PTPRD: variants seen among roughly 807,000 people sequenced by gnomAD.
The protein encoded by PTPRD is protein tyrosine phosphatase receptor type D.
PTPRD carries 34 observed loss-of-function variants against 214.5 expected under a neutral mutation model. The ratio of observed to expected loss-of-function variants is 0.16; its 90% confidence interval spans 0.12 to 0.21. PTPRD has a LOEUF of 0.21. PTPRD is among the 10% of genes least tolerant of loss of function. PTPRD has a pLI of 1.00. For synonymous variants in PTPRD, 1,128 were observed against 845.7 expected (o/e 1.33, Z -5.79); for missense variants, 2,545 against 2,398.7 (o/e 1.06, Z -1.27).
chr9:9,030,626 C>A (rs1006009654), intron 10 of PTPRD, among the ~76,000 whole-genome samples: 12 of 151,788 alleles, frequency 7.9e-5, no homozygotes, highest in Non-Finnish European at 1.6e-4. Context: ...TCTGGGCTGT[C>A]AAGAGTCACG....
At chr9:8,595,078 T>A (rs1232384723) in intron 14 of PTPRD, among the ~76,000 whole-genome samples, 2 of 151,698 alleles carry the variant, frequency 1.3e-5, no homozygotes, top group Admixed American at 6.6e-5. Context: ...TTAGCCAAAA[T>A]GGTCTAGATC....
chr9:8,650,511 G>A (rs1421427261), intron 12 of PTPRD, among the ~76,000 whole-genome samples: 1 of 105,670 alleles, frequency 9.5e-6, no homozygotes, highest in Non-Finnish European at 1.9e-5. Context: ...GGCAAAAAGA[G>A]CAAAAAACTC....
intron 14 of PTPRD, among the ~76,000 whole-genome samples, chr9:8,534,392 C>CA (rs2076418598): frequency 6.6e-6 from 1 of 151,828 alleles, no homozygotes. Context: ...GTGAACCACT[C>CA]AGTTTTTTTG....
chr9:8,599,613 C>CCCCCCCCCT (rs2094698008), intron 14 of PTPRD, among the ~76,000 whole-genome samples: 16 of 53,412 alleles, frequency 3.0e-4, no homozygotes, highest in South Asian at 8.4e-4. Flanking sequence ...CCCGCCCACC[C>CCCCCCCCCT]TTTTTTTTTT....
intron 39 of PTPRD, among the ~76,000 whole-genome samples, chr9:8,347,382 C>T (rs1056412791): frequency 2.0e-5 from 3 of 152,090 alleles, no homozygotes; most frequent in Admixed American, 6.6e-5. Flanking sequence ...TTACTGAGTG[C>T]CTACCATGTG....
chr9:9,250,738 A>G (rs974773059), intron 9 of PTPRD, among the ~76,000 whole-genome samples: 41 of 152,096 alleles, frequency 2.7e-4, no homozygotes, highest in African/African-American at 9.9e-4. Context: ...TGAAACAGCA[A>G]AAACCAAACC....
intron 30 of PTPRD, among the ~76,000 whole-genome samples, chr9:8,479,893 T>G (rs537249419): frequency 1.3e-5 from 2 of 152,298 alleles, no homozygotes; most frequent in East Asian, 3.9e-4. Flanking sequence ...TGTAACTTTT[T>G]CACCTTTCTT....
At chr9:8,959,049 C>G (rs965895914) in intron 11 of PTPRD, among the ~76,000 whole-genome samples, 3 of 151,980 alleles carry the variant, frequency 2.0e-5, no homozygotes, top group African/African-American at 7.2e-5. Flanking sequence ...TTCCAAATGC[C>G]AAACACACTC....
chr9:9,665,042 C>T (rs2096691384), intron 7 of PTPRD, among the ~76,000 whole-genome samples: 1 of 151,528 alleles, frequency 6.6e-6, no homozygotes, highest in Admixed American at 6.6e-5. Flanking sequence ...TGTCACTCTT[C>T]ATATGTGTAT....
chr9:8,438,087 T>C (rs2095420878), intron 34 of PTPRD, among the ~76,000 whole-genome samples: 1 of 152,194 alleles, frequency 6.6e-6, no homozygotes, highest in Admixed American at 6.5e-5. Context: ...AAGCCATGTG[T>C]TGACATTCTG....
At chr9:9,058,024 G>A (rs1052557245) in intron 10 of PTPRD, among the ~76,000 whole-genome samples, 5 of 152,058 alleles carry the variant, frequency 3.3e-5, no homozygotes, top group African/African-American at 4.8e-5. Context: ...ATACTCTATT[G>A]TTTAGAAAGG....
chr9:10,189,342 G>C (rs140868932), intron 3 of PTPRD, among the ~76,000 whole-genome samples: 1 of 152,092 alleles, frequency 6.6e-6, no homozygotes, highest in Non-Finnish European at 1.5e-5. Flanking sequence ...AGTTCCATAC[G>C]CATGGGTCTT....
At chr9:9,265,992 C>A (rs1258712450) in intron 9 of PTPRD, among the ~76,000 whole-genome samples, 2 of 151,474 alleles carry the variant, frequency 1.3e-5, no homozygotes, top group Non-Finnish European at 3.0e-5. Flanking sequence ...AAGAAACTCA[C>A]ATCTGCTTTA....
intron 3 of PTPRD, among the ~76,000 whole-genome samples, chr9:10,266,965 C>T (rs951493108): frequency 6.6e-6 from 1 of 151,598 alleles, no homozygotes; most frequent in African/African-American, 2.4e-5. Flanking sequence ...CCGAGGCGGG[C>T]GAATCACCAG....
chr9:9,209,548 G>C (rs1048833690), intron 9 of PTPRD, among the ~76,000 whole-genome samples: 2 of 152,148 alleles, frequency 1.3e-5, no homozygotes, highest in Admixed American at 1.3e-4. Flanking sequence ...AAATCTTAGA[G>C]ATATCTACTG....
intron 10 of PTPRD, among the ~76,000 whole-genome samples, chr9:9,139,261 A>C (rs1028373328): frequency 6.6e-6 from 1 of 152,212 alleles, no homozygotes; most frequent in Non-Finnish European, 1.5e-5. Flanking sequence ...TTAAAGTGGA[A>C]CAACATACAG....
chr9:8,844,879 C>G (rs1036742400), intron 11 of PTPRD, among the ~76,000 whole-genome samples: 4 of 152,128 alleles, frequency 2.6e-5, no homozygotes, highest in African/African-American at 9.7e-5. Flanking sequence ...GCTCTACTAT[C>G]ATGGTGGAAT....
At chr9:10,182,584 CAG>C (rs1564373121) in intron 3 of PTPRD, among the ~76,000 whole-genome samples, 1 of 151,934 alleles carries the variant, frequency 6.6e-6, no homozygotes, top group Non-Finnish European at 1.5e-5. Context: ...CAAAAATTCA[CAG>C]AGGGGGAAAC....
At chr9:8,636,651 G>T in intron 13 of PTPRD, 48 bp downstream of exon 13, 1 of 1,603,158 alleles carries the variant, frequency 6.2e-7, no homozygotes, top group East Asian at 2.2e-5. Context: ...ACCAAAGACA[G>T]AGCAGATACA....
Sources: gnomAD v4.1 joint callset for allele counts (sites outside exome capture counted in the v4.1 genomes callset) on GRCh38, gnomAD v4.1.1 for gene constraint, MANE v1.5 for transcripts, NCBI Gene and HGNC (gene_info 2026-07-23, HGNC 2026-07-21) for gene names.